NDUFA12: variants seen among roughly 807,000 people sequenced by gnomAD.
The protein encoded by NDUFA12 is NADH:ubiquinone oxidoreductase subunit A12.
NDUFA12 carries 17 observed loss-of-function variants against 20.3 expected under a neutral mutation model. The ratio of observed to expected loss-of-function variants is 0.84; its 90% CI spans 0.57 to 1.26. NDUFA12 has a LOEUF of 1.26. NDUFA12 is among the 50% of genes most tolerant of loss of function. The probability of loss-of-function intolerance (pLI) is 0.00; values close to 1 mark genes in which losing one functional copy is unlikely to be tolerated. For synonymous variants in NDUFA12, 72 were observed against 63.6 expected, an observed-to-expected ratio of 1.13 and a Z score of -0.63; for missense variants, 191 against 183.7, an observed-to-expected ratio of 1.04 and a Z score of -0.23.
At chr12:95,000,965 T>TA (rs1875003851) in intron 2 of NDUFA12, among the ~76,000 whole-genome samples, 1 of 152,206 alleles carries the variant, frequency 6.6e-6, no homozygotes, top group African/African-American at 2.4e-5. Context: ...CAAACTATTC[T>TA]AAAAAATGTT....
intron 3 of NDUFA12, among the ~76,000 whole-genome samples, chr12:94,972,692 T>A (rs1429533104): frequency 6.6e-6 from 1 of 152,182 alleles, no homozygotes; most frequent in African/African-American, 2.4e-5. Context: ...AGTGAGACCC[T>A]GTCTTGAGAA....
At position 94,994,157 on chromosome 12, in the gene NDUFA12, T is replaced by C. The variant is rs552073466; in HGVS notation, c.257+13A>G. 1.9e-6 allele frequency: 3 copies of C among 1,611,448 alleles called. No individual in the cohort carries two copies. The highest frequency in any genetic ancestry group is 2.5e-6 in the Non-Finnish European group (3 of 1,177,784). On this transcript the variant is annotated intron_variant, in intron 3 of 3. Coordinates refer to ENST00000327772, the MANE Select transcript of NDUFA12 (RefSeq NM_018838.5). Reference sequence around the variant, plus strand: ...AAAAAAAGAAAGACAAATAAAATGTTGTCTTAGCTTACCATTCAGGAGGCA... The same window carrying C: ...AAAAAAAGAAAGACAAATAAAATGTCGTCTTAGCTTACCATTCAGGAGGCA...
chr12:94,982,747 G>T (rs1183732050), intron 3 of NDUFA12, among the ~76,000 whole-genome samples: 1 of 152,138 alleles, frequency 6.6e-6, no homozygotes, highest in Non-Finnish European at 1.5e-5. Flanking sequence ...GGTCATGCCA[G>T]TTCTAAGAGC....
chr12:94,995,210 T>TA (rs1381983346), intron 2 of NDUFA12, among the ~76,000 whole-genome samples: 4 of 152,210 alleles, frequency 2.6e-5, no homozygotes, highest in African/African-American at 9.7e-5. Context: ...TCAACAAAAA[T>TA]TGACTAACGG....
At chr12:94,976,969 T>C (rs1168965351) in intron 3 of NDUFA12, among the ~76,000 whole-genome samples, 1 of 152,218 alleles carries the variant, frequency 6.6e-6, no homozygotes, top group Non-Finnish European at 1.5e-5. Flanking sequence ...CAAAACAATC[T>C]TGTCTTCTGC....
At position 94,971,630 on chromosome 12, in the gene NDUFA12, G is replaced by A. The variant is rs1171574852; in HGVS notation, c.258-10C>T. On this transcript the variant is annotated splice_polypyrimidine_tract_variant and intron_variant, in intron 3 of 3. Coordinates refer to ENST00000327772, the MANE Select transcript of NDUFA12 (RefSeq NM_018838.5). ...GTGAAGCCAACGATGCCTTAAAGAG[G>A]GGAAAAAACCCAAACAGTTATGAAG... 1.2e-6 allele frequency: 2 copies of A among 1,614,048 alleles called. No homozygotes were observed. Among genetic ancestry groups the A allele is most frequent in the East Asian group, 4.5e-5 (2 of 44,862 alleles).
intron 2 of NDUFA12, among the ~76,000 whole-genome samples, chr12:95,000,981 C>A (rs1245324928): frequency 6.6e-6 from 1 of 152,158 alleles, no homozygotes; most frequent in Non-Finnish European, 1.5e-5. Flanking sequence ...ATGTTTAATT[C>A]ATCAGTATCC....
intron 3 of NDUFA12, among the ~76,000 whole-genome samples, chr12:94,976,646 C>G (rs1874074115): frequency 6.6e-6 from 1 of 152,188 alleles, no homozygotes; most frequent in Non-Finnish European, 1.5e-5. Context: ...TAATTTCCAT[C>G]TAATGTTGGT....
intron 3 of NDUFA12, 188 bp from the exon 4 acceptor site, chr12:94,971,808 A>C (rs1312606452): frequency 1.3e-6 from 1 of 776,796 alleles, no homozygotes; most frequent in African/African-American, 1.7e-5. Flanking sequence ...CAGGGATGGT[A>C]TAAACATAAA....
intron 3 of NDUFA12, among the ~76,000 whole-genome samples, chr12:94,974,364 C>T (rs189643704): frequency 4.6e-5 from 7 of 151,986 alleles, no homozygotes; most frequent in Admixed American, 3.9e-4. Flanking sequence ...TGGGAGGATA[C>T]GGAGAAAAGG....
intron 3 of NDUFA12, among the ~76,000 whole-genome samples, chr12:94,974,161 G>A (rs1873985612): frequency 1.3e-5 from 2 of 151,616 alleles, no homozygotes; most frequent in Admixed American, 6.6e-5. Flanking sequence ...TAGTAGAGAC[G>A]GGGTTTCACC....
rs190008775 is a variant in NDUFA12, at chr12:94,996,591, G to A, written c.170-2334C>T. 4.4e-3 allele frequency among the ~76,000 whole-genome samples: 674 copies of A among 151,958 alleles called. 6 individuals are homozygous for A. Among genetic ancestry groups the A allele is most frequent in the African/African-American group, 0.015 (642 of 41,460 alleles). ...TCCCAGCACTTTGGGAGGCTGAGGC[G>A]GGTGGATCACGAGGTCAGGAGTTCA... is the stretch of plus-strand genomic sequence containing the variant. On this transcript the variant is annotated intron_variant, in intron 2 of 3. Transcript: ENST00000327772.
At chr12:94,975,490 T>C (rs951709599) in intron 3 of NDUFA12, among the ~76,000 whole-genome samples, 2 of 152,232 alleles carry the variant, frequency 1.3e-5, no homozygotes, top group Non-Finnish European at 2.9e-5. Context: ...CTATTCAATA[T>C]ATTTATCCTG....
chr12:94,991,054 T>C (rs1041065902), intron 3 of NDUFA12, among the ~76,000 whole-genome samples: 1 of 151,936 alleles, frequency 6.6e-6, no homozygotes, highest in Non-Finnish European at 1.5e-5. Context: ...GAGGCAGAGG[T>C]TGGCGAATCA....
chr12:94,994,948 T>G (rs1372769075), intron 2 of NDUFA12, among the ~76,000 whole-genome samples: 1 of 152,208 alleles, frequency 6.6e-6, no homozygotes, highest in Non-Finnish European at 1.5e-5. Flanking sequence ...CTCAGTTTCT[T>G]TATCTAGTAA....
rs1375982182 is a variant in NDUFA12 at position 94,971,374 on chromosome 12, A to G, written c.*66T>C. 6.7e-7 allele frequency: 1 copy of G among 1,502,764 alleles called. No homozygotes were observed. Among genetic ancestry groups the G allele is most frequent in the Non-Finnish European group, 9.3e-7 (1 of 1,079,660 alleles). 93.1% of individuals were successfully genotyped at this position (1,502,764 alleles called of 1,614,324 possible). ...TAATTGTGAATTATAGTGAATGGTA[A>G]ACAGTAAAAGAGTAATTACATGAAA... On this transcript the variant is annotated 3_prime_UTR_variant, in exon 4 of 4. Coordinates refer to ENST00000327772, the MANE Select transcript of NDUFA12 (RefSeq NM_018838.5).
intron 3 of NDUFA12, among the ~76,000 whole-genome samples, chr12:94,973,338 G>A (rs923467900): frequency 7.9e-5 from 12 of 152,158 alleles, no homozygotes; most frequent in Non-Finnish European, 1.6e-4. Flanking sequence ...AGGAAGCTGG[G>A]GATTAGTGAA....
intron 3 of NDUFA12, among the ~76,000 whole-genome samples, chr12:94,989,787 CTATTT>C (rs1736459524): frequency 6.6e-6 from 1 of 152,176 alleles, no homozygotes; most frequent in Non-Finnish European, 1.5e-5. Context: ...CAGGTTTTTA[CTATTT>C]TATAATTTTA....
intron 3 of NDUFA12, among the ~76,000 whole-genome samples, chr12:94,977,398 G>A (rs1179163771): frequency 2.0e-5 from 3 of 151,984 alleles, no homozygotes; most frequent in South Asian, 2.1e-4. Context: ...CTTGAGCCCA[G>A]GATTTTGAGG....
Sources: allele counts gnomAD v4.1 joint callset (sites outside exome capture counted in the v4.1 genomes callset), GRCh38; gene constraint gnomAD v4.1.1; transcripts MANE v1.5; gene names NCBI Gene and HGNC (gene_info 2026-07-23, HGNC 2026-07-21).